ENTREP2: variants seen among roughly 807,000 people sequenced by gnomAD.
ENTREP2 encodes the protein protein ENTREP2.
At chr15:29,417,736 T>C in the ENTREP2 span, among the ~76,000 whole-genome samples, 15 of 152,166 alleles carry the variant, frequency 9.9e-5, no homozygotes, top group Non-Finnish European at 1.6e-4. Context: ...CTTGCAAATA[T>C]AATTCATGGC....
chr15:29,600,994 T>A, the ENTREP2 span, among the ~76,000 whole-genome samples: 1 of 146,990 alleles, frequency 6.8e-6, no homozygotes, highest in African/African-American at 2.6e-5. Flanking sequence ...GCCTCCCGGG[T>A]TCACGCCATT....
chr15:29,269,704 A>G, the ENTREP2 span: 2 of 1,533,512 alleles, frequency 1.3e-6, no homozygotes, highest in Non-Finnish European at 1.7e-6. Context: ...TTTTTGCAAC[A>G]TGTCTCCGGC....
At chr15:29,626,784 G>A in the ENTREP2 span, among the ~76,000 whole-genome samples, 911 of 152,154 alleles carry the variant, frequency 6.0e-3, 9 homozygotes, top group African/African-American at 0.021. Context: ...GTCAACTGTA[G>A]GATTTTCTGT....
the ENTREP2 span, among the ~76,000 whole-genome samples, chr15:29,545,643 T>C: frequency 1.5e-4 from 23 of 152,326 alleles, no homozygotes; most frequent in African/African-American, 5.5e-4. Flanking sequence ...GCTGCAGTGA[T>C]TTAGTTTGTG....
chr15:29,621,978 C>T, the ENTREP2 span, among the ~76,000 whole-genome samples: 6 of 152,164 alleles, frequency 3.9e-5, no homozygotes, highest in African/African-American at 9.6e-5. Context: ...GAACAAATAC[C>T]GCGTTATTCC....
chr15:29,152,470 C>A, the ENTREP2 span, among the ~76,000 whole-genome samples: 5 of 152,294 alleles, frequency 3.3e-5, no homozygotes, highest in East Asian at 9.6e-4. Flanking sequence ...CTAGTCTGTT[C>A]TCCATTTTTT....
the ENTREP2 span, among the ~76,000 whole-genome samples, chr15:29,659,138 C>A: frequency 6.6e-6 from 1 of 152,180 alleles, no homozygotes; most frequent in African/African-American, 2.4e-5. Context: ...ATAGTGCTTA[C>A]ATTTTCAGTC....
chr15:29,458,084 G>C, the ENTREP2 span, among the ~76,000 whole-genome samples: 3 of 152,160 alleles, frequency 2.0e-5, no homozygotes, highest in Non-Finnish European at 4.4e-5. Context: ...GAAGTCTTAT[G>C]ATCTGCTCTC....
At chr15:29,247,995 T>C in the ENTREP2 span, among the ~76,000 whole-genome samples, 1,617 of 152,350 alleles carry the variant, frequency 0.011, 36 homozygotes, top group African/African-American at 0.037. Flanking sequence ...CAGCCAGTTT[T>C]CAAGCCTGAT....
the ENTREP2 span, among the ~76,000 whole-genome samples, chr15:29,127,011 T>C: frequency 2.0e-5 from 3 of 152,122 alleles, no homozygotes; most frequent in Non-Finnish European, 4.4e-5. Flanking sequence ...AGCCTTGCCC[T>C]GGGAACAAGC....
At chr15:29,187,524 C>T in the ENTREP2 span, among the ~76,000 whole-genome samples, 1 of 152,138 alleles carries the variant, frequency 6.6e-6, no homozygotes, top group Non-Finnish European at 1.5e-5. Flanking sequence ...GATCCACCCG[C>T]TTCAGCCTCC....
At chr15:29,672,840 T>TC in the ENTREP2 span, among the ~76,000 whole-genome samples, 3 of 152,106 alleles carry the variant, frequency 2.0e-5, no homozygotes, top group African/African-American at 7.2e-5. Context: ...GGGGTCCCAA[T>TC]CCAGACACCA....
the ENTREP2 span, among the ~76,000 whole-genome samples, chr15:29,614,486 T>G: frequency 6.6e-6 from 1 of 152,116 alleles, no homozygotes; most frequent in Non-Finnish European, 1.5e-5. Flanking sequence ...ACATAGTAAG[T>G]GCTCAATAAA....
At chr15:29,237,121 T>TA in the ENTREP2 span, among the ~76,000 whole-genome samples, 1 of 152,188 alleles carries the variant, frequency 6.6e-6, no homozygotes, top group Non-Finnish European at 1.5e-5. Flanking sequence ...GAAGAAAAAT[T>TA]ACATGATTAT....
chr15:29,239,922 AC>A, the ENTREP2 span, among the ~76,000 whole-genome samples: 2 of 152,218 alleles, frequency 1.3e-5, no homozygotes, highest in Non-Finnish European at 2.9e-5. Context: ...TCAAAGAATG[AC>A]TTTTCCCCAA....
chr15:29,484,865 A>G, the ENTREP2 span, among the ~76,000 whole-genome samples: 1 of 152,214 alleles, frequency 6.6e-6, no homozygotes, highest in Non-Finnish European at 1.5e-5. Flanking sequence ...TCATATATAA[A>G]TACAGAATAT....
the ENTREP2 span, among the ~76,000 whole-genome samples, chr15:29,368,144 G>A: frequency 1.3e-5 from 2 of 151,906 alleles, no homozygotes; most frequent in Non-Finnish European, 2.9e-5. Flanking sequence ...GGCTGACATG[G>A]TGAAACTCCG....
chr15:29,165,718 C>G, the ENTREP2 span, among the ~76,000 whole-genome samples: 1 of 152,074 alleles, frequency 6.6e-6, no homozygotes, highest in South Asian at 2.1e-4. Flanking sequence ...ATGTCCACGA[C>G]CAGACAGATT....
At chr15:29,129,145 C>T in the ENTREP2 span, among the ~76,000 whole-genome samples, 1 of 152,216 alleles carries the variant, frequency 6.6e-6, no homozygotes, top group Admixed American at 6.5e-5. Context: ...CTCACTGCAA[C>T]ATCCGCTGCC....
Sources: allele counts gnomAD v4.1 joint callset (sites outside exome capture counted in the v4.1 genomes callset), GRCh38; gene constraint gnomAD v4.1.1; transcripts MANE v1.5; gene names NCBI Gene and HGNC (gene_info 2026-07-23, HGNC 2026-07-21).